The following CACNA2D3 variants were observed in gnomAD, a reference collection of about 807,000 sequenced individuals.
CACNA2D3 encodes voltage-dependent calcium channel subunit alpha-2/delta-3.
CACNA2D3 carries 60 observed loss-of-function variants against 160.6 expected under a neutral mutation model. That is an observed-to-expected ratio of 0.37 (90% CI 0.30 to 0.46). CACNA2D3 has a LOEUF of 0.46. Among genes scored for constraint, CACNA2D3 ranks in the 20% least tolerant of loss-of-function variants. The pLI, the probability that CACNA2D3 is intolerant of heterozygous loss-of-function variation, is 1.00. For missense variants in CACNA2D3, 1,205 were observed against 1,365.0 expected, an observed-to-expected ratio of 0.88 and a Z score of 1.85; for synonymous variants, 558 against 492.9, an observed-to-expected ratio of 1.13 and a Z score of -1.75.
chr3:54,559,736 G>C (rs192511584), intron 5 of CACNA2D3, among the ~76,000 whole-genome samples: 1 of 152,010 alleles, frequency 6.6e-6, no homozygotes, highest in Admixed American at 6.6e-5. Context: ...AATCCCCTCC[G>C]TCCTCCAAAC....
At chr3:54,803,652 C>A (rs1481539312) in intron 13 of CACNA2D3, among the ~76,000 whole-genome samples, 2 of 152,154 alleles carry the variant, frequency 1.3e-5, no homozygotes, top group African/African-American at 4.8e-5. Context: ...TCCAGTAGAA[C>A]TTCCCCAATC....
chr3:54,893,545 G>A (rs1344279329), intron 25 of CACNA2D3, among the ~76,000 whole-genome samples: 1 of 152,040 alleles, frequency 6.6e-6, no homozygotes, highest in Admixed American at 6.6e-5. Flanking sequence ...CACTCTCTAA[G>A]CCAGGCTTAG....
At chr3:54,951,219 T>C (rs1374953888) in intron 27 of CACNA2D3, among the ~76,000 whole-genome samples, 1 of 152,194 alleles carries the variant, frequency 6.6e-6, no homozygotes, top group Non-Finnish European at 1.5e-5. Flanking sequence ...GTGCTGCACT[T>C]TGGTGCAAAA....
chr3:54,675,077 A>C (rs1700216758), intron 11 of CACNA2D3, among the ~76,000 whole-genome samples: 1 of 152,128 alleles, frequency 6.6e-6, no homozygotes, highest in Admixed American at 6.6e-5. Flanking sequence ...CAAAAAGCGC[A>C]CCACAGGATC....
At chr3:54,416,309 G>C (rs1159352580) in intron 4 of CACNA2D3, among the ~76,000 whole-genome samples, 2 of 152,152 alleles carry the variant, frequency 1.3e-5, no homozygotes, top group Non-Finnish European at 2.9e-5. Flanking sequence ...TTTTCCCTTG[G>C]TGTCTGCTCT....
chr3:54,757,421 C>T (rs1013752016), intron 12 of CACNA2D3, among the ~76,000 whole-genome samples: 1 of 152,178 alleles, frequency 6.6e-6, no homozygotes, highest in African/African-American at 2.4e-5. Flanking sequence ...AGATTCTTAA[C>T]CTCATTATAT....
intron 3 of CACNA2D3, among the ~76,000 whole-genome samples, chr3:54,352,332 T>TA (rs1418180519): frequency 1.3e-5 from 2 of 152,198 alleles, no homozygotes. Context: ...CTGGTACAGT[T>TA]AAAGACAGTG....
At position 54,981,842 on chromosome 3, in the gene CACNA2D3, T is replaced by C. The variant is rs527435218; in HGVS notation, c.2557-2766T>C. On this transcript the variant is annotated intron_variant, in intron 29 of 37. Coordinates refer to ENST00000474759, the MANE Select transcript of CACNA2D3 (RefSeq NM_018398.3). ...GGGTCCCATCATTGTTAATCCAACC[T>C]CTGACCAGGAGTTTCAACTTGTTGC... Among the ~76,000 whole-genome samples the C allele has an allele frequency of 4.4e-4, 67 of 152,304 alleles. 3 individuals are homozygous for C. In the South Asian group the frequency reaches 0.013, roughly 31 times the overall value.
chr3:54,732,844 C>T (rs1050602821), intron 11 of CACNA2D3, among the ~76,000 whole-genome samples: 2 of 152,196 alleles, frequency 1.3e-5, no homozygotes, highest in Non-Finnish European at 2.9e-5. Flanking sequence ...GTCAAAAGGT[C>T]AGAGCACAGA....
intron 27 of CACNA2D3, among the ~76,000 whole-genome samples, chr3:54,964,190 A>G (rs1469924433): frequency 6.6e-6 from 1 of 151,988 alleles, no homozygotes; most frequent in Non-Finnish European, 1.5e-5. Context: ...ATGGGATAAT[A>G]TTTTCTGGAT....
chr3:54,858,882 T>C (rs1362642274), intron 17 of CACNA2D3, among the ~76,000 whole-genome samples: 1 of 151,996 alleles, frequency 6.6e-6, no homozygotes. Context: ...CCTCTGGGAG[T>C]TTACATTTTA....
intron 2 of CACNA2D3, among the ~76,000 whole-genome samples, chr3:54,170,060 C>T (rs886510501): frequency 6.6e-6 from 1 of 151,832 alleles, no homozygotes; most frequent in Non-Finnish European, 1.5e-5. Context: ...TGGTGGTGGG[C>T]ATCTGTAATC....
chr3:54,665,484 T>C (rs756459130), intron 11 of CACNA2D3, among the ~76,000 whole-genome samples: 3 of 152,134 alleles, frequency 2.0e-5, no homozygotes, highest in Admixed American at 6.5e-5. Flanking sequence ...AAATACAAAG[T>C]TATTTTATAG....
At chr3:54,753,555 C>A (rs2107071725) in intron 12 of CACNA2D3, among the ~76,000 whole-genome samples, 1 of 152,272 alleles carries the variant, frequency 6.6e-6, no homozygotes, top group African/African-American at 2.4e-5. Flanking sequence ...ATCTGCCAAC[C>A]CACACTGGAT....
intron 2 of CACNA2D3, among the ~76,000 whole-genome samples, chr3:54,227,116 G>T (rs966490922): frequency 3.3e-5 from 5 of 152,156 alleles, no homozygotes; most frequent in African/African-American, 1.2e-4. Flanking sequence ...ATGTTGATAC[G>T]TAAAATCTGC....
At chr3:55,050,403 C>CTTTTCTT (rs1334797566) in intron 35 of CACNA2D3, among the ~76,000 whole-genome samples, 2 of 151,694 alleles carry the variant, frequency 1.3e-5, no homozygotes, top group Non-Finnish European at 3.0e-5. Context: ...GTTGAAAATT[C>CTTTTCTT]TTTTCTTTAA....
chr3:54,767,805 G>T (rs1171101903), intron 13 of CACNA2D3, among the ~76,000 whole-genome samples: 3 of 152,146 alleles, frequency 2.0e-5, no homozygotes, highest in Admixed American at 1.3e-4. Flanking sequence ...GGCTCTCATT[G>T]GTCAAATCTG....
intron 11 of CACNA2D3, among the ~76,000 whole-genome samples, chr3:54,724,422 CAG>C (rs1362907874): frequency 6.6e-6 from 1 of 152,136 alleles, no homozygotes; most frequent in African/African-American, 2.4e-5. Flanking sequence ...GGGGACCTAA[CAG>C]ATATCTACAG....
intron 4 of CACNA2D3, among the ~76,000 whole-genome samples, chr3:54,453,985 A>G (rs1302167733): frequency 6.6e-6 from 1 of 152,164 alleles, no homozygotes; most frequent in Non-Finnish European, 1.5e-5. Flanking sequence ...GTGTATAGTT[A>G]GTAAAAGAAG....
Sources: gnomAD v4.1 joint callset for allele counts (sites outside exome capture counted in the v4.1 genomes callset) on GRCh38, gnomAD v4.1.1 for gene constraint, MANE v1.5 for transcripts, NCBI Gene and HGNC (gene_info 2026-07-23, HGNC 2026-07-21) for gene names.